Variants in COL12A1 observed in about 807,000 individuals in gnomAD.
The protein encoded by COL12A1 is collagen type XII alpha 1 chain.
Under a neutral mutation model 349.7 loss-of-function variants are expected in COL12A1, and 114 were observed. The observed-to-expected ratio is 0.33, with a 90% confidence interval of 0.28 to 0.38. COL12A1 has a LOEUF of 0.38. Ranked by LOEUF, COL12A1 falls within the 10% of genes least tolerant of loss-of-function variation. The pLI, the probability that COL12A1 is intolerant of heterozygous loss-of-function variation, is 1.00. For synonymous variants in COL12A1, 1,369 were observed against 1,329.0 expected, an observed-to-expected ratio of 1.03 and a Z score of -0.66; for missense variants, 3,284 against 3,756.9, an observed-to-expected ratio of 0.87 and a Z score of 3.29.
intron 60 of COL12A1, among the ~76,000 whole-genome samples, chr6:75,092,218 A>C (rs1305051556): frequency 6.6e-6 from 1 of 152,196 alleles, no homozygotes; most frequent in African/African-American, 2.4e-5. Context: ...TAGGGGAGGG[A>C]TAACATTAGG....
At chr6:75,095,368 A>G (rs1210599336) in intron 59 of COL12A1, among the ~76,000 whole-genome samples, 189 bp from the exon 60 acceptor site, 1 of 152,234 alleles carries the variant, frequency 6.6e-6, no homozygotes, top group Non-Finnish European at 1.5e-5. Flanking sequence ...CTGTAATCCC[A>G]GCACTTTGGG....
intron 7 of COL12A1, 23 bp from the exon 8 acceptor site, chr6:75,188,558 C>T: frequency 6.2e-7 from 1 of 1,605,252 alleles, no homozygotes; most frequent in Non-Finnish European, 8.5e-7. Flanking sequence ...AGGATAAGGA[C>T]ATATTGAAAT....
At chr6:75,188,083 C>CAAAAGAGTCTTAAAG (rs1769727943) in intron 8 of COL12A1, among the ~76,000 whole-genome samples, 1 of 151,924 alleles carries the variant, frequency 6.6e-6, no homozygotes, top group Non-Finnish European at 1.5e-5. Flanking sequence ...TCAATGTACA[C>CAAAAGAGTCTTAAAG]AAAAGAGTCT....
chr6:75,093,480 G>T (rs912670142), intron 60 of COL12A1, among the ~76,000 whole-genome samples: 19 of 152,148 alleles, frequency 1.2e-4, no homozygotes, highest in Non-Finnish European at 1.6e-4. Context: ...TTAATTAGAG[G>T]AAGGTAAGAT....
intron 26 of COL12A1, 118 bp downstream of exon 26, chr6:75,143,134 C>G (rs1426695129): frequency 8.5e-6 from 10 of 1,179,228 alleles, no homozygotes; most frequent in Non-Finnish European, 1.1e-5. Context: ...GTTTTCAACA[C>G]TGTGTTAACA....
chr6:75,199,982 A>G (rs1770441972), intron 2 of COL12A1, among the ~76,000 whole-genome samples: 1 of 152,222 alleles, frequency 6.6e-6, no homozygotes, highest in Admixed American at 6.5e-5. Flanking sequence ...TGGTAATAAA[A>G]TAGTATGAAT....
rs749458819 is a variant in COL12A1, at chr6:75,125,153, A to G, written c.6581T>C (p.Val2194Ala). 4 of 1,611,526 alleles carry G rather than the reference A, an allele frequency of 2.5e-6. No individual in the cohort carries two copies. The East Asian group carries it at 8.9e-5, about 36-fold the overall frequency. The change falls in exon 40 of 66, where the codon GTC becomes GCC. Residue 2194 changes from valine to alanine, a missense_variant. Val to Ala is a moderately conservative substitution (Grantham distance 64). Transcript: ENST00000322507. ...TGTAGTGCCTTGATCTGTCAAGGGG[A>G]CACTGAGTCCAGAATCATATTGAGC... ...VYAQYDSGLS[V>A]PLTDQGTTLY... is the part of the protein sequence containing the mutation.
In COL12A1 at chr6:75,184,021, CCTG is replaced by C; in HGVS notation, c.1118_1120del (p.Ala373del). The C allele has an allele frequency of 2.5e-6, 4 of 1,614,128 alleles. No individual in the cohort carries two copies. Among genetic ancestry groups the C allele is most frequent in the Non-Finnish European group, 3.4e-6 (4 of 1,180,022 alleles). Reference sequence around the variant, plus strand: ...CACACTCAGAGCGTGCTGTCGGCTTCCTGCAGTCATTGGTGTGAGGATGACTTT... The same window carrying C: ...CACACTCAGAGCGTGCTGTCGGCTTCCAGTCATTGGTGTGAGGATGACTTT... On this transcript the variant is annotated inframe_deletion, in exon 9 of 66. Coordinates refer to ENST00000322507, the MANE Select transcript of COL12A1 (RefSeq NM_004370.6).
chr6:75,134,801 T>C lies in COL12A1; in HGVS notation c.5449A>G (p.Thr1817Ala), dbSNP rs760315104. 1.5e-5 allele frequency: 25 copies of C among 1,612,952 alleles called. No individual in the cohort carries two copies. The highest frequency in any genetic ancestry group is 1.6e-4 in the Middle Eastern group (1 of 6,070). Residue 1817 changes from threonine (T) to alanine (A), a missense_variant, in exon 32 of 66, where the codon ACT (threonine) becomes GCT (alanine). Around this residue, in one of 2 missense-constraint regions of COL12A1, gnomAD observed 2,601 missense variants for 2,824.8 expected, o/e 0.92. Transcript: ENST00000322507. ...SVVLQKLKPD[T>A]PYTITVSSLY... is the part of the protein sequence containing the mutation. ...GAGGATACGGTGATAGTGTAAGGAG[T>C]GTCTGGCTTCAGTTTCTGCAGGACC...
At chr6:75,122,053 T>G (rs1373809978) in intron 43 of COL12A1, among the ~76,000 whole-genome samples, 1 of 152,024 alleles carries the variant, frequency 6.6e-6, no homozygotes, top group African/African-American at 2.4e-5. Context: ...AGAGACGGGT[T>G]TAACCATGTT....
rs1041710536 is a variant in COL12A1, at chr6:75,090,718, A to T, written c.8753-420T>A. Among the ~76,000 whole-genome samples the T allele has an allele frequency of 2.6e-5, 4 of 152,234 alleles. No homozygotes were observed. Among genetic ancestry groups the T allele is most frequent in the Non-Finnish European group, 4.4e-5 (3 of 68,042 alleles). On this transcript the variant is annotated intron_variant, in intron 62 of 65. Transcript: ENST00000322507. The surrounding 1 kb of genome is among the most constrained non-coding windows in gnomAD (Gnocchi z 4.1). ...GGAATTGCCTGTGGGGCACCTTGAA[A>T]AATCTGTATTTCTGGGCCTTATCTC... is the stretch of plus-strand genomic sequence containing the variant.
intron 58 of COL12A1, among the ~76,000 whole-genome samples, chr6:75,099,261 T>C (rs1411720374): frequency 6.6e-6 from 1 of 152,196 alleles, no homozygotes; most frequent in East Asian, 1.9e-4. Flanking sequence ...AGATTTCAGA[T>C]TGTTTTCCGG....
chr6:75,101,914 T>C, intron 57 of COL12A1, 85 bp downstream of exon 57: 5 of 1,430,066 alleles, frequency 3.5e-6, no homozygotes, highest in Non-Finnish European at 4.9e-6. Flanking sequence ...TCTGCTTTGC[T>C]ACTTAATCTG....
At chr6:75,156,222 T>C in intron 15 of COL12A1, 35 bp downstream of exon 15, 1 of 1,607,944 alleles carries the variant, frequency 6.2e-7, no homozygotes, top group South Asian at 1.1e-5. Context: ...AACATTACCT[T>C]CTCTCCCCCT....
chr6:75,141,828 G>C (rs1417922241), intron 27 of COL12A1, among the ~76,000 whole-genome samples: 1 of 152,120 alleles, frequency 6.6e-6, no homozygotes, highest in African/African-American at 2.4e-5. Context: ...GTGGCTGATG[G>C]AAAGTATCAT....
intron 16 of COL12A1, 58 bp downstream of exon 16, chr6:75,155,604 A>G: frequency 6.6e-7 from 1 of 1,523,898 alleles, no homozygotes; most frequent in Non-Finnish European, 8.9e-7. Flanking sequence ...TACAAAAGCT[A>G]TTCAACCTTG....
intron 47 of COL12A1, 66 bp from the exon 48 acceptor site, chr6:75,116,123 A>C: frequency 1.4e-6 from 2 of 1,441,248 alleles, no homozygotes; most frequent in Admixed American, 1.8e-5. Context: ...TATGCACAGA[A>C]AGTAGCAATG....
rs780942876 is a variant in COL12A1 at position 75,154,556 on chromosome 6, T to C, written c.3444-19A>G. ...ACCAGCCCTAAAATGTTAAAGTATA[T>C]ATATAGCCTGTGAGAACCATAGGCT... On this transcript the variant is annotated intron_variant, in intron 16 of 65. Coordinates refer to ENST00000322507, the MANE Select transcript of COL12A1 (RefSeq NM_004370.6). 3.2e-6 allele frequency: 5 copies of C among 1,585,320 alleles called. No homozygotes were observed. Among genetic ancestry groups the C allele is most frequent in the Admixed American group, 3.5e-5 (2 of 56,576 alleles).
chr6:75,094,242 A>G (rs976384528), intron 60 of COL12A1, among the ~76,000 whole-genome samples: 3 of 152,206 alleles, frequency 2.0e-5, no homozygotes, highest in East Asian at 1.9e-4. Context: ...AATTTGAACA[A>G]TGCTTTAAAA....
Sources: gnomAD v4.1 joint callset for allele counts (sites outside exome capture counted in the v4.1 genomes callset) on GRCh38, gnomAD v4.1.1 for gene constraint, gnomAD v4.1.1 regional missense constraint, Gnocchi (gnomAD v3.1) non-coding constraint, MANE v1.5 for transcripts, NCBI Gene and HGNC (gene_info 2026-07-23, HGNC 2026-07-21) for gene names.